The following FBN2 variants were observed in gnomAD, a reference collection of about 807,000 sequenced individuals.
FBN2 encodes fibrillin-2.
Under a neutral mutation model 355.6 loss-of-function variants are expected in FBN2, and 105 were observed. That is an observed-to-expected ratio of 0.30 (90% CI 0.25 to 0.35). The LOEUF (loss-of-function observed/expected upper bound fraction) is 0.35, where lower values mean the gene tolerates loss of function less well. Among genes scored for constraint, FBN2 ranks in the 10% least tolerant of loss-of-function variants. The pLI is 1.00. For synonymous variants in FBN2, 1,350 were observed against 1,301.2 expected (o/e 1.04, Z -0.81); for missense variants, 3,280 against 3,758.7 (o/e 0.87, Z 3.33).
At chr5:128,373,302 C>T (rs1011946942) in intron 15 of FBN2, among the ~76,000 whole-genome samples, 1 of 152,184 alleles carries the variant, frequency 6.6e-6, no homozygotes, top group Admixed American at 6.5e-5. Context: ...ATTAAAGCAA[C>T]TGAAAATATT....
intron 5 of FBN2, among the ~76,000 whole-genome samples, chr5:128,469,048 T>C (rs1318938455): frequency 6.6e-6 from 1 of 152,164 alleles, no homozygotes; most frequent in East Asian, 1.9e-4. Context: ...GACTAGTATA[T>C]ACTAGATATT....
At chr5:128,473,309 A>T (rs1754920972) in intron 5 of FBN2, among the ~76,000 whole-genome samples, 1 of 152,220 alleles carries the variant, frequency 6.6e-6, no homozygotes, top group African/African-American at 2.4e-5. Flanking sequence ...TTTAATGGGT[A>T]AAAACAATAT....
intron 7 of FBN2, among the ~76,000 whole-genome samples, chr5:128,442,797 A>G (rs1487054239): frequency 2.0e-5 from 3 of 152,084 alleles, no homozygotes; most frequent in Admixed American, 2.0e-4. Flanking sequence ...AGAGAGGAAA[A>G]GGGAGAAATA....
intron 50 of FBN2, among the ~76,000 whole-genome samples, chr5:128,290,305 C>T (rs1749284796): frequency 6.6e-6 from 1 of 152,146 alleles, no homozygotes; most frequent in Non-Finnish European, 1.5e-5. Context: ...AGACCTGAGG[C>T]TATTGATCTT....
At chr5:128,291,893 G>A (rs575793639) in intron 48 of FBN2, among the ~76,000 whole-genome samples, 11 of 152,088 alleles carry the variant, frequency 7.2e-5, no homozygotes, top group Non-Finnish European at 1.5e-4. Context: ...CTTTAGGGGT[G>A]TATGTATGTC....
At chr5:128,480,465 G>C (rs1326225659) in intron 5 of FBN2, among the ~76,000 whole-genome samples, 2 of 152,124 alleles carry the variant, frequency 1.3e-5, no homozygotes, top group African/African-American at 2.4e-5. Flanking sequence ...TAACAGGGGA[G>C]CTTTACTTAT....
intron 7 of FBN2, among the ~76,000 whole-genome samples, chr5:128,439,824 T>TA (rs1251890965): frequency 6.6e-6 from 1 of 152,170 alleles, no homozygotes; most frequent in African/African-American, 2.4e-5. Context: ...TAAGACTATA[T>TA]AAAAATGCTC....
chr5:128,330,146 A>G (rs630682), intron 33 of FBN2, among the ~76,000 whole-genome samples: 1 of 152,242 alleles, frequency 6.6e-6, no homozygotes, highest in African/African-American at 2.4e-5. Flanking sequence ...TTAGGAATAA[A>G]AAAGAAGAAA....
intron 64 of FBN2, 91 bp from the exon 65 acceptor site, chr5:128,259,920 A>C (rs1764924133): frequency 7.2e-7 from 1 of 1,392,028 alleles, no homozygotes; most frequent in East Asian, 2.3e-5. Context: ...TTTGGTCACG[A>C]GGACAGGCTG....
At chr5:128,320,831 A>C (rs1032012519) in intron 34 of FBN2, among the ~76,000 whole-genome samples, 12 of 152,218 alleles carry the variant, frequency 7.9e-5, no homozygotes, top group African/African-American at 1.7e-4. Flanking sequence ...AGAATAAAAA[A>C]CGCTAAAAAT....
rs1157936632 is a variant in FBN2 at position 128,364,513 on chromosome 5, T to A, written c.2428+87A>T. ...CAAGAAAAACTGTACAATTTTTAGT[T>A]TTAGTCATTTGTGTTTTTAATTCTA... is the stretch of plus-strand genomic sequence containing the variant. On this transcript the variant is annotated intron_variant, in intron 18 of 64. Coordinates refer to ENST00000262464, the MANE Select transcript of FBN2 (RefSeq NM_001999.4). The A allele has an allele frequency of 3.0e-6, 4 of 1,353,100 alleles. No homozygotes were observed. In the East Asian group the frequency reaches 9.7e-5, roughly 33 times the overall value. The allele number at this position is 1,353,100 out of a possible 1,614,324, so 83.8% of individuals were successfully genotyped here. A position where few individuals can be genotyped will look rare whatever the true frequency, so the allele number is the denominator to read the frequency against.
chr5:128,319,533 TTAAA>T (rs1406545183), intron 34 of FBN2, among the ~76,000 whole-genome samples: 5 of 151,910 alleles, frequency 3.3e-5, no homozygotes, highest in South Asian at 4.1e-4. Flanking sequence ...ATTTAGTTAA[TTAAA>T]TAAATATTAA....
chr5:128,350,718 G>A (rs963651316), intron 21 of FBN2, 150 bp downstream of exon 21: 3 of 882,056 alleles, frequency 3.4e-6, no homozygotes, highest in Admixed American at 2.1e-5. Flanking sequence ...ATTTTAAGAG[G>A]TAAAAAACAT....
intron 36 of FBN2, among the ~76,000 whole-genome samples, chr5:128,313,156 G>C (rs867328832): frequency 6.6e-6 from 1 of 152,156 alleles, no homozygotes. Flanking sequence ...CAATGGTTTA[G>C]TTTCAACTTG....
intron 11 of FBN2, among the ~76,000 whole-genome samples, chr5:128,388,710 ATCCTGATGGGGT>A (rs1424994251): frequency 1.4e-4 from 22 of 152,150 alleles, no homozygotes; most frequent in East Asian, 1.2e-3. Context: ...GTCCACTGTT[ATCCTGATGGGGT>A]TCCTTTTGTA....
chr5:128,333,148 A>G, intron 31 of FBN2, 114 bp from the exon 32 acceptor site: 3 of 918,604 alleles, frequency 3.3e-6, no homozygotes, highest in East Asian at 2.7e-5. Flanking sequence ...CGTATGGAGA[A>G]AAGAGTAGCC....
intron 28 of FBN2, 84 bp from the exon 29 acceptor site, chr5:128,335,661 T>C: frequency 6.6e-7 from 1 of 1,526,284 alleles, no homozygotes; most frequent in East Asian, 2.2e-5. Flanking sequence ...AATGCTAATG[T>C]GGCTTTGAAT....
chr5:128,381,201 T>C (rs1752226826), intron 11 of FBN2, among the ~76,000 whole-genome samples: 1 of 152,066 alleles, frequency 6.6e-6, no homozygotes, highest in Non-Finnish European at 1.5e-5. Flanking sequence ...ATACAGACAC[T>C]AGGAGAGTTA....
At chr5:128,516,085 G>T (rs1285871829) in intron 5 of FBN2, among the ~76,000 whole-genome samples, 1 of 152,090 alleles carries the variant, frequency 6.6e-6, no homozygotes, top group Admixed American at 6.6e-5. Context: ...CACCTATTTG[G>T]TTCAGAAATT....
Sources: gnomAD v4.1 joint callset for allele counts (sites outside exome capture counted in the v4.1 genomes callset) on GRCh38, gnomAD v4.1.1 for gene constraint, MANE v1.5 for transcripts, NCBI Gene and HGNC (gene_info 2026-07-23, HGNC 2026-07-21) for gene names.